The following NRP2 variants were observed in gnomAD, a reference collection of about 807,000 sequenced individuals.
The protein encoded by NRP2 is neuropilin 2.
In NRP2, 52 loss-of-function variants were observed where a neutral mutation model predicts 110.4. The observed-to-expected ratio is 0.47, with a 90% CI of 0.38 to 0.59. The LOEUF is 0.59. NRP2 is among the 20% of genes least tolerant of loss of function. The pLI is 0.00. For missense variants in NRP2, 1,049 were observed against 1,203.0 expected (o/e 0.87, Z 1.89); for synonymous variants, 508 against 468.9 (o/e 1.08, Z -1.08).
chr2:205,775,322 G>A (rs2058081290), intron 15 of NRP2, among the ~76,000 whole-genome samples: 1 of 152,128 alleles, frequency 6.6e-6, no homozygotes, highest in Admixed American at 6.5e-5. Context: ...GTTACCCTGG[G>A]CTTAAATCTA....
intron 15 of NRP2, among the ~76,000 whole-genome samples, chr2:205,779,970 T>C (rs2058155427): frequency 6.6e-6 from 1 of 152,228 alleles, no homozygotes; most frequent in Admixed American, 6.5e-5. Context: ...CAAAAGTTGC[T>C]AAGTGCTAAA....
intron 1 of NRP2, among the ~76,000 whole-genome samples, chr2:205,685,446 C>G (rs889285267): frequency 6.6e-6 from 1 of 152,192 alleles, no homozygotes; most frequent in South Asian, 2.1e-4. Context: ...GTGCGCCGGC[C>G]GGGAAGGGGG....
At position 205,765,587 on chromosome 2, in the gene NRP2, C is replaced by G. The variant is rs769970184; in HGVS notation, c.2404+17C>G. On this transcript the variant is annotated intron_variant, in intron 14 of 16. Transcript: ENST00000357785. ...ACTGCATGGGTATGTGAATATCTGT[C>G]TCTTCATGGTTCTTTCAAATAAGAC... The G allele has an allele frequency of 5.2e-5, 83 of 1,594,602 alleles. No homozygotes were observed. Among genetic ancestry groups the G allele is most frequent in the Non-Finnish European group, 6.5e-5 (75 of 1,162,360 alleles).
chr2:205,720,207 A>G (rs1301942549), intron 3 of NRP2, among the ~76,000 whole-genome samples: 1 of 152,084 alleles, frequency 6.6e-6, no homozygotes, highest in Non-Finnish European at 1.5e-5. Context: ...CGCCTTCAAA[A>G]TAAGCCAAAG....
At position 205,755,055 on chromosome 2, in the gene NRP2, G is replaced by GTGACCTCCCT. The variant is rs1373456713; in HGVS notation, c.2044+2082_2044+2091dup. Reference sequence around the variant, plus strand: ...GAGTCACAGCTCCAGGGGAGCTTAAGTGACCTCCCTTTGACCCTGGCCTGG... The same window carrying GTGACCTCCCT: ...GAGTCACAGCTCCAGGGGAGCTTAAGTGACCTCCCTTGACCTCCCTTTGACCCTGGCCTGG... On this transcript the variant is annotated intron_variant, in intron 12 of 16. Coordinates refer to ENST00000357785, the MANE Select transcript of NRP2 (RefSeq NM_003872.3). Among the ~76,000 whole-genome samples, 33 of 152,166 alleles carry GTGACCTCCCT rather than the reference G, an allele frequency of 2.2e-4. 1 individual carries two copies. The highest frequency in any genetic ancestry group is 2.5e-4 in the Non-Finnish European group (17 of 68,036).
chr2:205,789,179 C>A (rs2058270139), intron 15 of NRP2, among the ~76,000 whole-genome samples: 1 of 152,180 alleles, frequency 6.6e-6, no homozygotes, highest in Non-Finnish European at 1.5e-5. Context: ...GTGGTAGTTA[C>A]AGTGTCCCAG....
rs761256086 is a variant in NRP2, at chr2:205,728,027, G to A, written c.1127G>A (p.Arg376Gln). The change falls in exon 7 of 17, where the codon CGG becomes CAG. Residue 376 changes from arginine (R) to glutamine (Q), a missense_variant. By Grantham distance (43) the Arg-to-Gln change is conservative. Transcript: ENST00000357785. ...AATGGAGAGGACTGGATGGTGTACC[G>A]GCATGGCAAAAACCACAAGGTAAAT... ...STNGEDWMVY[R>Q]HGKNHKVFQA... The A allele has an allele frequency of 8.7e-6, 14 of 1,613,974 alleles. No individual in the cohort carries two copies. The highest frequency in any genetic ancestry group is 1.6e-4 in the Middle Eastern group (1 of 6,084).
chr2:205,752,743 A>G, intron 11 of NRP2, 92 bp from the exon 12 acceptor site: 1 of 1,363,008 alleles, frequency 7.3e-7, no homozygotes, highest in Non-Finnish European at 1.0e-6. Flanking sequence ...CTCTCCACTC[A>G]GGCCTTGCCA....
At chr2:205,762,002 G>A (rs886987476) in intron 12 of NRP2, 19 of 152,208 alleles carry the variant, frequency 1.2e-4, no homozygotes, top group African/African-American at 4.6e-4. Flanking sequence ...GATAGGGGAA[G>A]CATAGGTTTA....
intron 7 of NRP2, 135 bp from the exon 8 acceptor site, chr2:205,740,384 A>G: frequency 1.1e-6 from 1 of 881,786 alleles, no homozygotes; most frequent in South Asian, 1.4e-5. Flanking sequence ...GCCCAAAACA[A>G]CATACCCACT....
At chr2:205,713,419 G>A (rs1232864040) in intron 2 of NRP2, among the ~76,000 whole-genome samples, 1 of 152,222 alleles carries the variant, frequency 6.6e-6, no homozygotes, top group African/African-American at 2.4e-5. Flanking sequence ...GGATGATGAT[G>A]GTGATGATGA....
intron 15 of NRP2, among the ~76,000 whole-genome samples, chr2:205,775,372 G>T (rs887945534): frequency 6.6e-6 from 1 of 152,114 alleles, no homozygotes; most frequent in Admixed American, 6.5e-5. Context: ...GCCAGTGAAC[G>T]TGGTTGCCTT....
intron 6 of NRP2, among the ~76,000 whole-genome samples, chr2:205,726,994 C>T (rs1414606689): frequency 1.3e-5 from 2 of 152,220 alleles, no homozygotes; most frequent in East Asian, 3.9e-4. Flanking sequence ...TCGCAGCCTG[C>T]AAAACTTCCA....
chr2:205,683,311 C>A lies in NRP2; in HGVS notation c.21C>A (p.Thr7=), dbSNP rs201286273. ...CCAAAATGGATATGTTTCCTCTCAC[C>A]TGGGTTTTCTTAGCCCTCTACTTTT... MDMFPL[T]WVFLALYFSR... Residue 7 remains threonine, a synonymous_variant, in exon 1 of 17, where the codon ACC becomes ACA. Transcript: ENST00000357785. 6.2e-6 allele frequency: 10 copies of A among 1,613,868 alleles called. No individual in the cohort carries two copies. In the Admixed American group the frequency reaches 1.5e-4, roughly 24 times the overall value.
chr2:205,730,471 A>T (rs1008423297), intron 7 of NRP2, among the ~76,000 whole-genome samples: 1 of 152,146 alleles, frequency 6.6e-6, no homozygotes, highest in Admixed American at 6.5e-5. Context: ...CACTGTGCCA[A>T]GCTAACTGGT....
intron 2 of NRP2, among the ~76,000 whole-genome samples, chr2:205,706,557 A>G (rs2056682127): frequency 6.6e-6 from 1 of 152,024 alleles, no homozygotes; most frequent in East Asian, 1.9e-4. Flanking sequence ...TTACTGTAAC[A>G]ATTACAGTTG....
intron 10 of NRP2, 93 bp downstream of exon 10, chr2:205,745,983 G>T: frequency 7.0e-7 from 1 of 1,437,470 alleles, no homozygotes; most frequent in South Asian, 1.2e-5. Context: ...GGAGGGGGCA[G>T]CCATCCCAGG....
chr2:205,765,367 C>T, intron 13 of NRP2, 107 bp from the exon 14 acceptor site: 1 of 873,824 alleles, frequency 1.1e-6, no homozygotes. Flanking sequence ...CACACACACA[C>T]ATACACACAC....
At chr2:205,769,709 G>A (rs1057412953) in intron 15 of NRP2, among the ~76,000 whole-genome samples, 3 of 152,140 alleles carry the variant, frequency 2.0e-5, no homozygotes, top group Non-Finnish European at 2.9e-5. Flanking sequence ...TTTAAACAAT[G>A]TAGCCTGGGT....
Sources: allele counts gnomAD v4.1 joint callset (sites outside exome capture counted in the v4.1 genomes callset), GRCh38; gene constraint gnomAD v4.1.1; transcripts MANE v1.5; gene names NCBI Gene and HGNC (gene_info 2026-07-23, HGNC 2026-07-21).